Variants in SLC5A1 observed in about 807,000 individuals in gnomAD.
The protein encoded by SLC5A1 is sodium/glucose cotransporter 1.
A neutral mutation model predicts 73.5 loss-of-function variants in SLC5A1; 42 were observed. The ratio of observed to expected loss-of-function variants is 0.57; its 90% CI spans 0.45 to 0.74. The LOEUF (loss-of-function observed/expected upper bound fraction) is 0.74. Ranked by LOEUF, SLC5A1 falls within the 30% of genes least tolerant of loss-of-function variation. The pLI is 0.00. For synonymous variants in SLC5A1, 300 were observed against 317.4 expected, an observed-to-expected ratio of 0.95 and a Z score of 0.58; for missense variants, 634 against 855.4, an observed-to-expected ratio of 0.74 and a Z score of 3.23.
At chr22:32,108,932 T>C (rs770734687) in intron 14 of SLC5A1, among the ~76,000 whole-genome samples, 4 of 152,128 alleles carry the variant, frequency 2.6e-5, no homozygotes, top group East Asian at 1.9e-4. Flanking sequence ...TCCCAACATT[T>C]TGGGAGGCCA....
At chr22:32,077,376 G>A (rs768280128) in intron 5 of SLC5A1, among the ~76,000 whole-genome samples, 23 of 120,106 alleles carry the variant, frequency 1.9e-4, no homozygotes, top group Non-Finnish European at 3.4e-4. Context: ...CCTTCCTTTC[G>A]TTCTCTCTTT....
At chr22:32,048,689 G>T (rs2093940360) in intron 1 of SLC5A1, among the ~76,000 whole-genome samples, 1 of 152,046 alleles carries the variant, frequency 6.6e-6, no homozygotes, top group African/African-American at 2.4e-5. Context: ...CTTCAATCAA[G>T]ATTTGCTGAA....
chr22:32,077,866 TTC>T (rs1350378454), intron 5 of SLC5A1, among the ~76,000 whole-genome samples: 1 of 152,188 alleles, frequency 6.6e-6, no homozygotes, highest in Non-Finnish European at 1.5e-5. Flanking sequence ...AAAGAATATA[TTC>T]TGTTTTAAAA....
chr22:32,091,243 T>C (rs1412108459), intron 10 of SLC5A1, among the ~76,000 whole-genome samples: 1 of 151,892 alleles, frequency 6.6e-6, no homozygotes, highest in Admixed American at 6.6e-5. Flanking sequence ...ATATCATAAA[T>C]ATTTCAGGTG....
At chr22:32,100,198 G>A (rs1378944343) in intron 12 of SLC5A1, among the ~76,000 whole-genome samples, 1 of 152,270 alleles carries the variant, frequency 6.6e-6, no homozygotes, top group Non-Finnish European at 1.5e-5. Context: ...AGATGTGGCT[G>A]GAAAGGTAGG....
In SLC5A1 at chr22:32,043,493, G is replaced by A; in HGVS notation, c.135+77G>A. ...GCAATGGCCTCGCTGAGCTGCAAGG[G>A]GCAGTAGGCTTAAGTGTCGGTGGAG... On this transcript the variant is annotated intron_variant, in intron 1 of 14. Transcript: ENST00000266088. The surrounding 1 kb of genome is among the most constrained non-coding windows in gnomAD (Gnocchi z 6.5). 1 of 1,502,698 alleles carries A rather than the reference G, an allele frequency of 6.7e-7. No homozygotes were observed. 93.1% of individuals were successfully genotyped at this position (1,502,698 alleles called of 1,614,324 possible).
intron 7 of SLC5A1, 49 bp from the exon 8 acceptor site, chr22:32,084,390 G>A (rs2094004602): frequency 6.6e-7 from 1 of 1,520,774 alleles, no homozygotes; most frequent in Non-Finnish European, 9.1e-7. Flanking sequence ...AAGCTGCTAT[G>A]ACGAGTTGAA....
intron 1 of SLC5A1, among the ~76,000 whole-genome samples, chr22:32,049,213 CTATATCTATATCTATATA>C (rs1195476028): frequency 0.051 from 5,758 of 113,426 alleles, 183 homozygotes; most frequent in Non-Finnish European, 0.071. Context: ...ATATCTATAT[CTATATCTATATCTATATA>C]TATGATGATT....
At chr22:32,076,360 G>A (rs1358250777) in intron 5 of SLC5A1, among the ~76,000 whole-genome samples, 1 of 152,184 alleles carries the variant, frequency 6.6e-6, no homozygotes, top group Non-Finnish European at 1.5e-5. Context: ...CAAGCTCTGA[G>A]AAGCATTCCA....
intron 4 of SLC5A1, 56 bp from the exon 5 acceptor site, chr22:32,068,440 G>T: frequency 9.6e-7 from 1 of 1,043,598 alleles, no homozygotes. Flanking sequence ...TGTTCTGTCT[G>T]CTCTGGGCCC....
intron 10 of SLC5A1, among the ~76,000 whole-genome samples, chr22:32,091,401 T>C (rs2149494132): frequency 6.6e-6 from 1 of 152,218 alleles, no homozygotes; most frequent in South Asian, 2.1e-4. Flanking sequence ...GTTGTGTCTC[T>C]GGCTCTTTGT....
At chr22:32,065,284 A>G (rs1380422263) in intron 2 of SLC5A1, among the ~76,000 whole-genome samples, 2 of 152,122 alleles carry the variant, frequency 1.3e-5, no homozygotes, top group African/African-American at 4.8e-5. Context: ...ATCACAAATC[A>G]TTATCATATA....
intron 5 of SLC5A1, among the ~76,000 whole-genome samples, chr22:32,080,673 C>T (rs1231173590): frequency 2.6e-5 from 4 of 152,150 alleles, no homozygotes; most frequent in Admixed American, 6.5e-5. Flanking sequence ...CTAGGGAAGT[C>T]CAGTTTCGTC....
chr22:32,061,833 G>T (rs1049237535), intron 2 of SLC5A1, among the ~76,000 whole-genome samples: 2 of 152,158 alleles, frequency 1.3e-5, no homozygotes, highest in African/African-American at 4.8e-5. Flanking sequence ...GCTCATGTTT[G>T]GAATAGTCTA....
intron 9 of SLC5A1, among the ~76,000 whole-genome samples, chr22:32,085,479 AG>A (rs895753439): frequency 2.6e-5 from 4 of 151,388 alleles, no homozygotes; most frequent in African/African-American, 9.7e-5. Context: ...TGTGCTAGAC[AG>A]TGAGCAACTT....
At chr22:32,049,098 ATATATATATATATAATCAT>A (rs1290324039) in intron 1 of SLC5A1, among the ~76,000 whole-genome samples, 38 of 142,072 alleles carry the variant, frequency 2.7e-4, no homozygotes, top group African/African-American at 1.0e-3. Context: ...ATAAATATAT[ATATATATATATATAATCAT>A]TATATATATA....
intron 5 of SLC5A1, among the ~76,000 whole-genome samples, chr22:32,070,212 TCCC>T (rs2093980472): frequency 2.1e-5 from 1 of 47,370 alleles, no homozygotes; most frequent in Non-Finnish European, 4.7e-5. Flanking sequence ...TCTTCTCTTC[TCCC>T]CTCCCCTCCC....
chr22:32,101,832 G>GTT (rs2094036862), intron 12 of SLC5A1, among the ~76,000 whole-genome samples, 190 bp from the exon 13 acceptor site: 1 of 152,116 alleles, frequency 6.6e-6, no homozygotes, highest in Non-Finnish European at 1.5e-5. Context: ...GACACACTGA[G>GTT]TGTGTCTGTC....
chr22:32,090,421 G>C (rs922161530), intron 10 of SLC5A1, among the ~76,000 whole-genome samples: 1 of 152,002 alleles, frequency 6.6e-6, no homozygotes, highest in African/African-American at 2.4e-5. Context: ...TTTGTGACTT[G>C]CTTCTTTTAC....
Sources: gnomAD v4.1 joint callset for allele counts (sites outside exome capture counted in the v4.1 genomes callset) on GRCh38, gnomAD v4.1.1 for gene constraint, Gnocchi (gnomAD v3.1) non-coding constraint, MANE v1.5 for transcripts, NCBI Gene and HGNC (gene_info 2026-07-23, HGNC 2026-07-21) for gene names.